The following CHN1 variants were observed in gnomAD, a reference collection of about 807,000 sequenced individuals.
The protein encoded by CHN1 is N-chimaerin.
A neutral mutation model predicts 59.5 loss-of-function variants in CHN1; 37 were observed. That is an observed-to-expected ratio of 0.62 (90% CI 0.48 to 0.82). CHN1 has a LOEUF of 0.82. Ranked by LOEUF, CHN1 falls within the 40% of genes least tolerant of loss-of-function variation. The pLI is 0.00. For missense variants in CHN1, 469 were observed against 571.0 expected, an observed-to-expected ratio of 0.82 and a Z score of 1.82; for synonymous variants, 206 against 200.4, an observed-to-expected ratio of 1.03 and a Z score of -0.24.
At chr2:174,836,480 C>T (rs1489318230) in intron 7 of CHN1, among the ~76,000 whole-genome samples, 1 of 152,118 alleles carries the variant, frequency 6.6e-6, no homozygotes, top group Admixed American at 6.5e-5. Context: ...ATTTTCAACC[C>T]CCTTTATACA....
intron 5 of CHN1, among the ~76,000 whole-genome samples, chr2:174,895,213 TAC>T (rs374437666): frequency 0.012 from 1,647 of 142,256 alleles, 14 homozygotes; most frequent in East Asian, 0.03. Flanking sequence ...TATATATATA[TAC>T]ACACACACAC....
At chr2:174,883,131 C>T (rs533448339) in intron 5 of CHN1, among the ~76,000 whole-genome samples, 1 of 152,312 alleles carries the variant, frequency 6.6e-6, no homozygotes, top group South Asian at 2.1e-4. Flanking sequence ...AACAGTGGAA[C>T]TCACATAGCT....
At chr2:174,922,069 A>C (rs1320369126) in intron 3 of CHN1, among the ~76,000 whole-genome samples, 1 of 152,018 alleles carries the variant, frequency 6.6e-6, no homozygotes, top group Non-Finnish European at 1.5e-5. Flanking sequence ...TGCTTATAAA[A>C]CTCAGTGTAC....
In CHN1 at chr2:175,005,019, C is replaced by T; in HGVS notation, c.-107G>A. On this transcript the variant is annotated 5_prime_UTR_variant, in exon 1 of 13. Coordinates refer to ENST00000409900, the MANE Select transcript of CHN1 (RefSeq NM_001822.7). ...CACACCTCGGAGAGAGTGGGGTGCC[C>T]GATGGGGCGTGCTGGGGGCGCCGGC... is the stretch of plus-strand genomic sequence containing the variant. The T allele has an allele frequency of 1.4e-6, 2 of 1,470,330 alleles. No homozygotes were observed. 91.1% of individuals were successfully genotyped at this position (1,470,330 alleles called of 1,614,324 possible).
chr2:174,900,280 G>C (rs1463577212), intron 5 of CHN1, among the ~76,000 whole-genome samples: 2 of 152,090 alleles, frequency 1.3e-5, no homozygotes, highest in African/African-American at 4.8e-5. Context: ...TGCTTCTCGG[G>C]CCAGGAGTTC....
At chr2:174,851,283 C>T (rs1269065117) in intron 6 of CHN1, among the ~76,000 whole-genome samples, 1 of 151,996 alleles carries the variant, frequency 6.6e-6, no homozygotes, top group Non-Finnish European at 1.5e-5. Flanking sequence ...CCTGATCCTG[C>T]CCATCCTTTT....
intron 6 of CHN1, among the ~76,000 whole-genome samples, chr2:174,854,296 C>T (rs1041576777): frequency 2.6e-5 from 4 of 150,986 alleles, no homozygotes; most frequent in Non-Finnish European, 5.9e-5. Context: ...CCACAATGTA[C>T]ATTGCCTATG....
intron 5 of CHN1, among the ~76,000 whole-genome samples, chr2:174,909,365 T>G (rs922669110): frequency 2.0e-5 from 3 of 152,224 alleles, no homozygotes; most frequent in Non-Finnish European, 4.4e-5. Flanking sequence ...CAGAACAAGC[T>G]GACCCATTTC....
intron 5 of CHN1, among the ~76,000 whole-genome samples, chr2:174,881,134 G>A (rs750276001): frequency 6.6e-6 from 1 of 151,738 alleles, no homozygotes; most frequent in Non-Finnish European, 1.5e-5. Context: ...GAAAGATTCT[G>A]TAAAGTGATT....
intron 6 of CHN1, among the ~76,000 whole-genome samples, chr2:174,872,504 G>A (rs1278800405): frequency 6.6e-6 from 1 of 152,132 alleles, no homozygotes; most frequent in Non-Finnish European, 1.5e-5. Flanking sequence ...GCAAAGGAGA[G>A]TTAAAATACT....
intron 5 of CHN1, among the ~76,000 whole-genome samples, chr2:174,914,524 G>A (rs963505408): frequency 6.6e-6 from 1 of 152,166 alleles, no homozygotes; most frequent in Non-Finnish European, 1.5e-5. Flanking sequence ...AAGATGGAAT[G>A]GAAGGAAGCA....
chr2:174,943,161 G>A (rs1689719829), intron 3 of CHN1, among the ~76,000 whole-genome samples: 1 of 151,624 alleles, frequency 6.6e-6, no homozygotes, highest in African/African-American at 2.4e-5. Flanking sequence ...GTTCTTATTT[G>A]TATTCAATTT....
intron 1 of CHN1, among the ~76,000 whole-genome samples, chr2:174,965,319 C>G (rs1402845930): frequency 6.6e-6 from 1 of 151,906 alleles, no homozygotes; most frequent in East Asian, 1.9e-4. Flanking sequence ...CTTTTTGTAT[C>G]ATTATATAAT....
chr2:175,002,615 A>G (rs763214635), intron 1 of CHN1, among the ~76,000 whole-genome samples: 1 of 152,238 alleles, frequency 6.6e-6, no homozygotes, highest in Non-Finnish European at 1.5e-5. Context: ...CACAAAGCAA[A>G]TAACTAGTCT....
At chr2:174,883,802 A>T (rs542257858) in intron 5 of CHN1, among the ~76,000 whole-genome samples, 1 of 152,180 alleles carries the variant, frequency 6.6e-6, no homozygotes, top group African/African-American at 2.4e-5. Flanking sequence ...CTGTAAAAAA[A>T]AGGAATATAG....
intron 1 of CHN1, among the ~76,000 whole-genome samples, chr2:174,964,839 G>T (rs1690544228): frequency 6.6e-6 from 1 of 152,086 alleles, no homozygotes; most frequent in Non-Finnish European, 1.5e-5. Context: ...ATTCTATCAT[G>T]TTTATGAAAA....
At chr2:174,842,483 C>T (rs935110826) in intron 7 of CHN1, among the ~76,000 whole-genome samples, 7 of 151,820 alleles carry the variant, frequency 4.6e-5, no homozygotes, top group African/African-American at 9.7e-5. Context: ...TAATTAAGTC[C>T]GAGAATTTTA....
At chr2:174,863,519 TTAA>T (rs1205378354) in intron 6 of CHN1, among the ~76,000 whole-genome samples, 2 of 152,172 alleles carry the variant, frequency 1.3e-5, no homozygotes, top group East Asian at 1.9e-4. Flanking sequence ...AATTGGTTAT[TTAA>T]TAATATTGTT....
intron 6 of CHN1, among the ~76,000 whole-genome samples, chr2:174,855,748 T>C (rs1032311991): frequency 1.3e-5 from 2 of 152,138 alleles, no homozygotes; most frequent in Non-Finnish European, 1.5e-5. Flanking sequence ...TCTCATTTTA[T>C]AGATGAGAAT....
Sources: gnomAD v4.1 joint callset for allele counts (sites outside exome capture counted in the v4.1 genomes callset) on GRCh38, gnomAD v4.1.1 for gene constraint, MANE v1.5 for transcripts, NCBI Gene and HGNC (gene_info 2026-07-23, HGNC 2026-07-21) for gene names.